ETV6: variants seen among roughly 807,000 people sequenced by gnomAD.
The protein encoded by ETV6 is transcription factor ETV6.
A neutral mutation model predicts 51.1 loss-of-function variants in ETV6; 16 were observed. The ratio of observed to expected loss-of-function variants is 0.31; its 90% confidence interval spans 0.21 to 0.48. ETV6 has a LOEUF of 0.48. Ranked by LOEUF, ETV6 falls within the 20% of genes least tolerant of loss-of-function variation. ETV6 has a pLI of 0.99. For missense variants in ETV6, 458 were observed against 594.8 expected, an observed-to-expected ratio of 0.77 and a Z score of 2.39; for synonymous variants, 240 against 224.1, an observed-to-expected ratio of 1.07 and a Z score of -0.64.
At chr12:11,836,489 A>C (rs914512031) in intron 2 of ETV6, among the ~76,000 whole-genome samples, 3 of 151,976 alleles carry the variant, frequency 2.0e-5, no homozygotes, top group Non-Finnish European at 4.4e-5. Flanking sequence ...GTTCCTGGTG[A>C]GGGGGTTTCC....
intron 1 of ETV6, among the ~76,000 whole-genome samples, chr12:11,733,590 AT>A (rs1285912230): frequency 4.6e-5 from 7 of 152,114 alleles, no homozygotes; most frequent in African/African-American, 1.2e-4. Flanking sequence ...GTGGGTGCTG[AT>A]GAAATATCAC....
chr12:11,854,357 C>G (rs1033668019), intron 4 of ETV6, among the ~76,000 whole-genome samples: 2 of 152,134 alleles, frequency 1.3e-5, no homozygotes, highest in African/African-American at 2.4e-5. Flanking sequence ...CAGCCCAGTT[C>G]CTAACAGGCC....
rs1947316916 is a variant in ETV6, at chr12:11,892,886, C to G, written c.*1840C>G. On this transcript the variant is annotated 3_prime_UTR_variant, in exon 8 of 8. Transcript: ENST00000396373. The stretch of plus-strand genomic sequence containing the variant: ...GTTCAAGGACACTGGAATTGAGGAG[C>G]TGATCAAGGCTCTCTTCAGCCTTGC... 4.3e-6 allele frequency: 1 copy of G among 232,950 alleles called. No homozygotes were observed. Among genetic ancestry groups the G allele is most frequent in the African/African-American group, 2.2e-5 (1 of 45,324 alleles). 14.4% of individuals were successfully genotyped at this position (232,950 alleles called of 1,614,324 possible). A position where few individuals can be genotyped will look rare whatever the true frequency, so the allele number is the denominator to read the frequency against.
chr12:11,822,812 G>T (rs927076394), intron 2 of ETV6, among the ~76,000 whole-genome samples: 2 of 152,364 alleles, frequency 1.3e-5, no homozygotes, highest in East Asian at 3.9e-4. Context: ...GACAGCCATT[G>T]CTTCCTGGAA....
chr12:11,716,278 C>T (rs574162599), intron 1 of ETV6, among the ~76,000 whole-genome samples: 65 of 122,048 alleles, frequency 5.3e-4, no homozygotes, highest in Admixed American at 7.0e-4. Flanking sequence ...TTGCAGTGAG[C>T]GGAGATCATG....
chr12:11,692,168 A>G (rs1368571203), intron 1 of ETV6, among the ~76,000 whole-genome samples: 2 of 152,110 alleles, frequency 1.3e-5, no homozygotes, highest in East Asian at 3.9e-4. Flanking sequence ...TAATGGATTA[A>G]TGGATTAATG....
intron 1 of ETV6, among the ~76,000 whole-genome samples, chr12:11,738,079 G>A (rs983457186): frequency 1.3e-5 from 2 of 152,110 alleles, no homozygotes; most frequent in Non-Finnish European, 2.9e-5. Context: ...TGTCTTGGGT[G>A]TATCTTACCA....
Position 11,649,966 on chromosome 12 carries a change from C to A in ETV6, c.-162C>A, listed in dbSNP as rs1247649954. 4 of 495,724 alleles carry A rather than the reference C, an allele frequency of 8.1e-6. No individual in the cohort carries two copies. The highest frequency in any genetic ancestry group is 6.0e-5 in the African/African-American group (3 of 50,160). The allele number at this position is 495,724 out of a possible 1,614,324, so 30.7% of individuals were successfully genotyped here. A position where few individuals can be genotyped will look rare whatever the true frequency, so the allele number is the denominator to read the frequency against. On this transcript the variant is annotated 5_prime_UTR_variant, in exon 1 of 8. Transcript: ENST00000396373. The stretch of plus-strand genomic sequence containing the variant: ...CCCAACTCCGCCGGCCGCCCCGCCC[C>A]GCCCCGCGCGCTCCAGACCCCCGGG...
chr12:11,710,327 A>G (rs1865150987), intron 1 of ETV6, among the ~76,000 whole-genome samples: 1 of 151,944 alleles, frequency 6.6e-6, no homozygotes, highest in Admixed American at 6.6e-5. Flanking sequence ...TCTGCCTGTT[A>G]CAAGGAAAGG....
chr12:11,652,620 C>G lies in ETV6; in HGVS notation c.33+2460C>G, dbSNP rs139284331. On this transcript the variant is annotated intron_variant, in intron 1 of 7. Transcript: ENST00000396373. ...CAGTCCTCCTCTCCACTCCTGAAAC[C>G]GTCCTCACTTGCTTTCATTCCTTAC... 7.6e-3 allele frequency among the ~76,000 whole-genome samples: 1,159 copies of G among 152,276 alleles called. 9 individuals carry two copies. The highest frequency in any genetic ancestry group is 0.027 in the Middle Eastern group (8 of 294).
At chr12:11,765,392 G>A (rs1945147875) in intron 2 of ETV6, among the ~76,000 whole-genome samples, 1 of 151,768 alleles carries the variant, frequency 6.6e-6, no homozygotes, top group Admixed American at 6.6e-5. Flanking sequence ...TGCTTGATAC[G>A]CAGTCTCAGG....
intron 2 of ETV6, among the ~76,000 whole-genome samples, chr12:11,801,061 A>G (rs1945741933): frequency 6.6e-6 from 1 of 152,222 alleles, no homozygotes; most frequent in East Asian, 1.9e-4. Context: ...AGGTGAAGCA[A>G]AAGTGAGCTT....
At chr12:11,866,975 GC>G (rs1946798735) in intron 4 of ETV6, among the ~76,000 whole-genome samples, 1 of 152,076 alleles carries the variant, frequency 6.6e-6, no homozygotes, top group Admixed American at 6.6e-5. Context: ...TCTTCTAACT[GC>G]CCCTGTGCTG....
rs965293474 is a variant in ETV6 at position 11,894,509 on chromosome 12, AAG to A, written c.*3466_*3467del. 2 of 233,148 alleles carry A rather than the reference AAG, an allele frequency of 8.6e-6. No individual in the cohort carries two copies. Among genetic ancestry groups the A allele is most frequent in the Non-Finnish European group, 1.7e-5 (2 of 118,044 alleles). 14.4% of individuals were successfully genotyped at this position (233,148 alleles called of 1,614,324 possible). The stretch of plus-strand genomic sequence containing the variant: ...GGAGATGAGGGTATCCCCACAGAAA[AAG>A]AGGAATAATAGACCAATGGATTTTC... On this transcript the variant is annotated 3_prime_UTR_variant, in exon 8 of 8. Transcript: ENST00000396373.
intron 2 of ETV6, among the ~76,000 whole-genome samples, chr12:11,805,671 G>A (rs943461710): frequency 6.6e-6 from 1 of 152,200 alleles, no homozygotes; most frequent in African/African-American, 2.4e-5. Context: ...TGTTCTACAG[G>A]GAATGGAAAG....
chr12:11,794,283 CAAGG>C (rs892872474), intron 2 of ETV6, among the ~76,000 whole-genome samples: 7 of 152,304 alleles, frequency 4.6e-5, no homozygotes, highest in African/African-American at 1.4e-4. Context: ...AGCTCAAAGA[CAAGG>C]AAGATGCTTC....
chr12:11,681,516 T>C (rs1448694524), intron 1 of ETV6, among the ~76,000 whole-genome samples: 1 of 152,182 alleles, frequency 6.6e-6, no homozygotes, highest in Non-Finnish European at 1.5e-5. Flanking sequence ...GACCACAATT[T>C]AGTGAATAAA....
At position 11,687,195 on chromosome 12, in the gene ETV6, C is replaced by T. The variant is rs1016257959; in HGVS notation, c.33+37035C>T. ...GAGCCACTGCCCCCCACCCCACCGC[C>T]CCACCTTTTTTCTGTTCTTTTTTTT... is the stretch of plus-strand genomic sequence containing the variant. On this transcript the variant is annotated intron_variant, in intron 1 of 7. Coordinates refer to ENST00000396373, the MANE Select transcript of ETV6 (RefSeq NM_001987.5). Among the ~76,000 whole-genome samples, 157 of 150,094 alleles carry T rather than the reference C, an allele frequency of 1.0e-3. 1 individual carries two copies. The highest frequency in any genetic ancestry group is 1.7e-3 in the Non-Finnish European group (114 of 67,406).
chr12:11,849,723 T>C (rs7304694), intron 3 of ETV6, among the ~76,000 whole-genome samples: 3,763 of 152,254 alleles, frequency 0.025, 150 homozygotes, highest in African/African-American at 0.085. Context: ...TGGCTACCCA[T>C]CACTGGAAGT....
Sources: gnomAD v4.1 joint callset for allele counts (sites outside exome capture counted in the v4.1 genomes callset) on GRCh38, gnomAD v4.1.1 for gene constraint, MANE v1.5 for transcripts, NCBI Gene and HGNC (gene_info 2026-07-23, HGNC 2026-07-21) for gene names.